The following SLA variants were observed in gnomAD, a reference collection of about 807,000 sequenced individuals.
SLA encodes src-like-adapter.
Under a neutral mutation model 30.3 loss-of-function variants are expected in SLA, and 16 were observed. The ratio of observed to expected loss-of-function variants is 0.53; its 90% CI spans 0.36 to 0.80. The LOEUF is 0.80. SLA is among the 30% of genes least tolerant of loss of function. The probability of loss-of-function intolerance (pLI) is 0.01; values close to 1 mark genes in which losing one functional copy is unlikely to be tolerated. For missense variants in SLA, 310 were observed against 345.2 expected, an observed-to-expected ratio of 0.90 and a Z score of 0.81; for synonymous variants, 143 against 137.8, an observed-to-expected ratio of 1.04 and a Z score of -0.26.
intron 8 of SLA, among the ~76,000 whole-genome samples, chr8:133,039,665 T>C (rs908390577): frequency 6.6e-6 from 1 of 152,240 alleles, no homozygotes; most frequent in Admixed American, 6.5e-5. Flanking sequence ...ACAGGATGTG[T>C]TACTTTCTAG....
chr8:133,096,167 T>G, intron 1 of SLA: 1 of 1,612,446 alleles, frequency 6.2e-7, no homozygotes, highest in South Asian at 1.1e-5. Flanking sequence ...GTGCAACTGA[T>G]TATTCCAGGA....
chr8:133,043,348 C>T (rs549658294), intron 7 of SLA, among the ~76,000 whole-genome samples: 4 of 152,162 alleles, frequency 2.6e-5, no homozygotes, highest in African/African-American at 7.2e-5. Flanking sequence ...ACACCCCCTC[C>T]GATGGTTGTT....
At chr8:133,079,489 G>A (rs73350758) in intron 1 of SLA, among the ~76,000 whole-genome samples, 3,674 of 152,074 alleles carry the variant, frequency 0.024, 153 homozygotes, top group African/African-American at 0.084. Flanking sequence ...GTGTTGATGG[G>A]TTTCCCAGGG....
chr8:133,102,130 G>A (rs963315826), intron 1 of SLA, among the ~76,000 whole-genome samples: 1 of 152,212 alleles, frequency 6.6e-6, no homozygotes, highest in Non-Finnish European at 1.5e-5. Flanking sequence ...ATTAAGATTA[G>A]TGTCCAAAGC....
At chr8:133,072,292 T>TC (rs1395079616) in intron 2 of SLA, among the ~76,000 whole-genome samples, 1 of 152,194 alleles carries the variant, frequency 6.6e-6, no homozygotes, top group African/African-American at 2.4e-5. Flanking sequence ...AATTGCCTCC[T>TC]CCCTTAGCGG....
At chr8:133,040,176 C>T (rs2131075722) in intron 7 of SLA, 46 bp from the exon 8 acceptor site, 1 of 1,557,008 alleles carries the variant, frequency 6.4e-7, no homozygotes, top group South Asian at 1.2e-5. Context: ...GGGGACGCCT[C>T]AGCCAGTGTG....
intron 3 of SLA, among the ~76,000 whole-genome samples, chr8:133,057,480 C>A (rs531443438): frequency 2.0e-5 from 3 of 152,264 alleles, no homozygotes; most frequent in African/African-American, 7.2e-5. Flanking sequence ...AGTCAGGTAA[C>A]CCCAAACAGA....
intron 2 of SLA, among the ~76,000 whole-genome samples, chr8:133,063,304 C>A (rs2741204): frequency 1.7e-4 from 26 of 148,946 alleles, no homozygotes; most frequent in Admixed American, 1.3e-3. Flanking sequence ...ATCCCCTCCC[C>A]CAAGCTGCTT....
chr8:133,052,335 A>G (rs1442918382), intron 3 of SLA, among the ~76,000 whole-genome samples: 1 of 152,240 alleles, frequency 6.6e-6, no homozygotes, highest in Non-Finnish European at 1.5e-5. Context: ...CATTTGGGGA[A>G]GCTGAGTCCC....
intron 1 of SLA, chr8:133,096,319 G>A (rs759282355): frequency 1.2e-6 from 2 of 1,614,180 alleles, no homozygotes; most frequent in South Asian, 2.2e-5. Flanking sequence ...AGGTCGATCT[G>A]CTCATTGGGA....
At chr8:133,091,846 A>G (rs1474151549) in intron 1 of SLA, among the ~76,000 whole-genome samples, 1 of 148,808 alleles carries the variant, frequency 6.7e-6, no homozygotes, top group Non-Finnish European at 1.5e-5. Flanking sequence ...TGTGACCATG[A>G]GTGTCTGTGT....
chr8:133,075,154 A>AT (rs1439626829), intron 1 of SLA, 24 bp from the exon 2 acceptor site: 1 of 983,774 alleles, frequency 1.0e-6, no homozygotes, highest in Non-Finnish European at 1.2e-6. Context: ...TGGGTTATTA[A>AT]TTTTTTTACA....
chr8:133,050,966 AG>A, intron 3 of SLA, 51 bp from the exon 4 acceptor site: 1 of 1,004,224 alleles, frequency 1.0e-6, no homozygotes. Flanking sequence ...TTTATTCACA[AG>A]GAGCTTAAAG....
intron 1 of SLA, among the ~76,000 whole-genome samples, chr8:133,097,196 C>T (rs967100123): frequency 1.3e-5 from 2 of 152,196 alleles, no homozygotes; most frequent in Non-Finnish European, 2.9e-5. Context: ...GGCAGTCTAA[C>T]CGGAATTTTA....
chr8:133,096,078 G>T, intron 1 of SLA: 1 of 1,166,882 alleles, frequency 8.6e-7, no homozygotes. Flanking sequence ...AGTTGTCCTG[G>T]TCACTTTTTC....
intron 2 of SLA, among the ~76,000 whole-genome samples, chr8:133,072,401 C>A (rs545839252): frequency 2.0e-5 from 3 of 152,030 alleles, no homozygotes; most frequent in African/African-American, 4.8e-5. Context: ...CATGATGTGA[C>A]CTCAATGGAT....
intron 6 of SLA, 65 bp downstream of exon 6, chr8:133,047,765 G>A (rs748186170): frequency 3.7e-5 from 34 of 914,092 alleles, no homozygotes; most frequent in Non-Finnish European, 5.2e-5. Flanking sequence ...CGTGTAATGA[G>A]TCAGCCAGGA....
At chr8:133,056,364 T>A (rs370924139) in intron 3 of SLA, among the ~76,000 whole-genome samples, 27 of 152,212 alleles carry the variant, frequency 1.8e-4, no homozygotes, top group African/African-American at 6.3e-4. Context: ...GTCCAAGATT[T>A]GACACGGATT....
At chr8:133,043,940 G>A (rs892162024) in intron 7 of SLA, among the ~76,000 whole-genome samples, 1 of 152,190 alleles carries the variant, frequency 6.6e-6, no homozygotes, top group African/African-American at 2.4e-5. Flanking sequence ...GCAATGTTCC[G>A]CTGGGTAAAA....
Sources: allele counts gnomAD v4.1 joint callset (sites outside exome capture counted in the v4.1 genomes callset), GRCh38; gene constraint gnomAD v4.1.1; transcripts MANE v1.5; gene names NCBI Gene and HGNC (gene_info 2026-07-23, HGNC 2026-07-21).